Variants in PIBF1 observed in about 807,000 individuals in gnomAD.
PIBF1 encodes the protein progesterone-induced-blocking factor 1.
A neutral mutation model predicts 112.5 loss-of-function variants in PIBF1; 90 were observed. That is an observed-to-expected ratio of 0.80 (90% CI 0.67 to 0.95). PIBF1 has a LOEUF of 0.95. PIBF1 is among the 40% of genes least tolerant of loss of function. The pLI is 0.00. For missense variants in PIBF1, 915 were observed against 852.3 expected, an observed-to-expected ratio of 1.07 and a Z score of -0.92; for synonymous variants, 301 against 288.6, an observed-to-expected ratio of 1.04 and a Z score of -0.44.
chr13:72,963,521 G>T (rs1404386223), intron 14 of PIBF1, among the ~76,000 whole-genome samples: 1 of 152,136 alleles, frequency 6.6e-6, no homozygotes, highest in Non-Finnish European at 1.5e-5. Flanking sequence ...TTGAATCCAG[G>T]AGGCGGAGGT....
chr13:72,972,453 C>A (rs1277161247), intron 15 of PIBF1, among the ~76,000 whole-genome samples: 4 of 152,150 alleles, frequency 2.6e-5, no homozygotes, highest in Admixed American at 1.3e-4. Flanking sequence ...CACGTGAGGT[C>A]AGGAATTCGA....
chr13:72,987,851 T>G (rs2043344356), intron 16 of PIBF1, among the ~76,000 whole-genome samples: 1 of 82,368 alleles, frequency 1.2e-5, no homozygotes, highest in Admixed American at 1.7e-4. Context: ...TATTTATTTA[T>G]TTATTTATTT....
intron 13 of PIBF1, among the ~76,000 whole-genome samples, chr13:72,928,026 CATATATAT>C (rs67144729): frequency 8.4e-6 from 1 of 118,632 alleles, no homozygotes; most frequent in Admixed American, 8.8e-5. Context: ...CATATATATA[CATATATAT>C]ATATATATAT....
intron 14 of PIBF1, among the ~76,000 whole-genome samples, chr13:72,941,825 G>C (rs986531615): frequency 8.6e-5 from 13 of 151,990 alleles, no homozygotes; most frequent in African/African-American, 3.1e-4. Flanking sequence ...CTGTTTCTCT[G>C]TTTGGGTTTT....
chr13:72,926,955 G>C (rs533676909), intron 13 of PIBF1, among the ~76,000 whole-genome samples: 3 of 152,100 alleles, frequency 2.0e-5, no homozygotes, highest in Admixed American at 2.0e-4. Context: ...TTTCTTCAAA[G>C]GAAGTGTTCA....
chr13:72,887,722 C>T (rs553487040), intron 10 of PIBF1, among the ~76,000 whole-genome samples: 4 of 152,026 alleles, frequency 2.6e-5, no homozygotes, highest in Admixed American at 1.3e-4. Context: ...ATTTTCTCCT[C>T]TCACCTCTCT....
chr13:72,956,815 C>A (rs1473501135), intron 14 of PIBF1, among the ~76,000 whole-genome samples: 1 of 152,058 alleles, frequency 6.6e-6, no homozygotes, highest in Non-Finnish European at 1.5e-5. Context: ...ATCAAAAATT[C>A]TAGCTGGAAG....
At chr13:72,957,668 A>G (rs1209293837) in intron 14 of PIBF1, among the ~76,000 whole-genome samples, 1 of 152,148 alleles carries the variant, frequency 6.6e-6, no homozygotes, top group Non-Finnish European at 1.5e-5. Context: ...TTGAAATAAA[A>G]AAATAATAAT....
rs1157861793 is a variant in PIBF1, at chr13:72,928,016, CATATATATACATATATATAT to C, written c.1731-3128_1731-3109del. 3.0e-3 allele frequency among the ~76,000 whole-genome samples: 161 copies of C among 53,984 alleles called. 2 individuals carry two copies. Among genetic ancestry groups the C allele is most frequent in the Middle Eastern group, 0.026 (2 of 76 alleles). The allele number at this position is 53,984 out of a possible 152,430, so 35.4% of individuals were successfully genotyped here. The stretch of plus-strand genomic sequence containing the variant: ...ACACACATATATATACATATATATA[CATATATATACATATATATAT>C]ATATATATACATATATATATGAGGA... On this transcript the variant is annotated intron_variant, in intron 13 of 17. Transcript: ENST00000326291.
intron 17 of PIBF1, among the ~76,000 whole-genome samples, chr13:73,009,161 G>T (rs961656917): frequency 4.6e-5 from 7 of 152,178 alleles, no homozygotes; most frequent in Non-Finnish European, 7.3e-5. Context: ...AAAAAGGGAG[G>T]AAAATAGTCT....
chr13:72,873,094 C>G (rs181110402), intron 10 of PIBF1, among the ~76,000 whole-genome samples: 7 of 152,204 alleles, frequency 4.6e-5, no homozygotes, highest in Admixed American at 1.3e-4. Context: ...ATCAGCTAAC[C>G]TAAAATTTAC....
intron 16 of PIBF1, among the ~76,000 whole-genome samples, chr13:72,975,777 T>C (rs1220789742): frequency 6.6e-6 from 1 of 152,222 alleles, no homozygotes; most frequent in East Asian, 1.9e-4. Flanking sequence ...ACTTATGTCC[T>C]AGGATTCTGC....
intron 5 of PIBF1, among the ~76,000 whole-genome samples, chr13:72,808,882 A>G (rs917320988): frequency 6.6e-6 from 1 of 152,222 alleles, no homozygotes; most frequent in Non-Finnish European, 1.5e-5. Context: ...GCTGAAAATG[A>G]TAGCAATAAT....
At chr13:72,911,346 A>C (rs1299815340) in intron 12 of PIBF1, among the ~76,000 whole-genome samples, 1 of 152,192 alleles carries the variant, frequency 6.6e-6, no homozygotes, top group East Asian at 1.9e-4. Flanking sequence ...ATACTTAAAT[A>C]ATAATTTCAT....
In PIBF1 at chr13:72,948,922, CAT is replaced by C. The variant is rs534166911; in HGVS notation, c.1834-16351_1834-16350del. On this transcript the variant is annotated intron_variant, in intron 14 of 17. Transcript: ENST00000326291. ...ACCTCCCACCAGGTTCTTCTGATGA[CAT>C]GTGGGGATTATGGGAACTACAGTTG... 5.0e-3 allele frequency among the ~76,000 whole-genome samples: 762 copies of C among 152,296 alleles called. 4 individuals carry two copies. Among genetic ancestry groups the C allele is most frequent in the Non-Finnish European group, 6.3e-3 (428 of 68,022 alleles).
At chr13:72,979,689 C>T (rs2043107966) in intron 16 of PIBF1, among the ~76,000 whole-genome samples, 1 of 151,924 alleles carries the variant, frequency 6.6e-6, no homozygotes, top group African/African-American at 2.4e-5. Flanking sequence ...TTTCGGAGGC[C>T]GAGGCGGGCA....
intron 9 of PIBF1, among the ~76,000 whole-genome samples, chr13:72,842,271 C>G (rs1487393843): frequency 6.6e-6 from 1 of 152,116 alleles, no homozygotes; most frequent in African/African-American, 2.4e-5. Context: ...CAGAGCTATT[C>G]TGAGTGGTGC....
intron 5 of PIBF1, among the ~76,000 whole-genome samples, chr13:72,806,023 A>T (rs568998999): frequency 6.6e-6 from 1 of 152,404 alleles, no homozygotes; most frequent in East Asian, 1.9e-4. Context: ...ACAGGTTTTA[A>T]ATTCTAGCTT....
intron 16 of PIBF1, among the ~76,000 whole-genome samples, chr13:72,976,892 G>A (rs533782040): frequency 3.5e-4 from 53 of 152,114 alleles, no homozygotes; most frequent in African/African-American, 1.3e-3. Flanking sequence ...ATCAGGGCTG[G>A]GACTAGGGTG....
Sources: allele counts gnomAD v4.1 joint callset (sites outside exome capture counted in the v4.1 genomes callset), GRCh38; gene constraint gnomAD v4.1.1; transcripts MANE v1.5; gene names NCBI Gene and HGNC (gene_info 2026-07-23, HGNC 2026-07-21).